Variants in FBH1 observed in about 807,000 individuals in gnomAD.
The protein encoded by FBH1 is F-box DNA helicase 1, also known as DNA 3'-5' helicase 1.
Under a neutral mutation model 115.5 loss-of-function variants are expected in FBH1, and 43 were observed. The observed-to-expected ratio is 0.37, with a 90% CI of 0.29 to 0.48. The LOEUF is 0.48. Ranked by LOEUF, FBH1 falls within the 20% of genes least tolerant of loss-of-function variation. The probability of loss-of-function intolerance (pLI) is 0.99; values close to 1 mark genes in which losing one functional copy is unlikely to be tolerated. For synonymous variants in FBH1, 524 were observed against 507.8 expected (o/e 1.03, Z -0.43); for missense variants, 1,001 against 1,337.3 (o/e 0.75, Z 3.92).
chr10:5,918,934 G>A lies in FBH1; in HGVS notation c.2100+456G>A, dbSNP rs1196549714. On this transcript the variant is annotated intron_variant, in intron 13 of 20. Coordinates refer to ENST00000362091, the MANE Select transcript of FBH1 (RefSeq NM_178150.3). This position sits in a 1 kb window ranked among gnomAD's most constrained non-coding sequence, Gnocchi z 4.0. ...GAATGTGACAACTCACAGTGTCCTT[G>A]ATTATGCGAAAAGTTTATTATGCGC... Among the ~76,000 whole-genome samples, 1 of 152,228 alleles carries A rather than the reference G, an allele frequency of 6.6e-6. No homozygotes were observed. Among genetic ancestry groups the A allele is most frequent in the Non-Finnish European group, 1.5e-5 (1 of 68,032 alleles).
chr10:5,894,840 T>G (rs1437541777), intron 1 of FBH1, among the ~76,000 whole-genome samples: 1 of 152,242 alleles, frequency 6.6e-6, no homozygotes, highest in Non-Finnish European at 1.5e-5. Context: ...TAATTGTTAT[T>G]AATATAATAT....
chr10:5,913,638 G>T lies in FBH1; in HGVS notation c.1212-109G>T. On this transcript the variant is annotated intron_variant, in intron 6 of 20. Transcript: ENST00000362091. This position sits in a 1 kb window ranked among gnomAD's most constrained non-coding sequence, Gnocchi z 4.4. Reference sequence around the variant, plus strand: ...TCTTTTTTCCATTAAATGGTGGTAGGTATTTTCTTTTTAGAAATGGGAAGG... The same window carrying T: ...TCTTTTTTCCATTAAATGGTGGTAGTTATTTTCTTTTTAGAAATGGGAAGG... The T allele has an allele frequency of 1.4e-6, 1 of 694,700 alleles. No homozygotes were observed. Among genetic ancestry groups the T allele is most frequent in the Non-Finnish European group, 2.4e-6 (1 of 421,696 alleles). The allele number at this position is 694,700 out of a possible 1,614,324, so 43.0% of individuals were successfully genotyped here.
At chr10:5,912,929 T>C (rs946175771) in intron 6 of FBH1, among the ~76,000 whole-genome samples, 1 of 152,164 alleles carries the variant, frequency 6.6e-6, no homozygotes, top group African/African-American at 2.4e-5. Context: ...TATAATCACA[T>C]CTGAAATGTT....
Position 5,924,307 on chromosome 10 carries a change from T to A in FBH1, c.2399-4T>A, listed in dbSNP as rs763547553. On this transcript the variant is annotated splice_region_variant and splice_polypyrimidine_tract_variant and intron_variant, in intron 16 of 20. Coordinates refer to ENST00000362091, the MANE Select transcript of FBH1 (RefSeq NM_178150.3). The surrounding 1 kb of genome is among the most constrained non-coding windows in gnomAD (Gnocchi z 6.2). ...ACCTTAATTTGTGTGTATATTCTTC[T>A]TAGAAAACCTCGTCATTAAAGACAA... 2.5e-6 allele frequency: 4 copies of A among 1,614,094 alleles called. No homozygotes were observed. Among genetic ancestry groups the A allele is most frequent in the Non-Finnish European group, 3.4e-6 (4 of 1,179,964 alleles).
intron 1 of FBH1, among the ~76,000 whole-genome samples, chr10:5,898,437 A>G (rs958062453): frequency 1.1e-4 from 17 of 150,876 alleles, no homozygotes; most frequent in Non-Finnish European, 1.5e-4. Context: ...TTGAGACACA[A>G]TCTCTCTCCA....
chr10:5,936,320 C>A lies in FBH1; in HGVS notation c.2830-136C>A. 1 of 914,196 alleles carries A rather than the reference C, an allele frequency of 1.1e-6. No homozygotes were observed. Among genetic ancestry groups the A allele is most frequent in the Non-Finnish European group, 1.6e-6 (1 of 613,920 alleles). 56.6% of individuals were successfully genotyped at this position (914,196 alleles called of 1,614,324 possible). Reference sequence around the variant, plus strand: ...AAAAGTTAGAGGAAGTAAGGGAGAACGGGTTAGGCGGGGTTTTTCTCTCTG... The same window carrying A: ...AAAAGTTAGAGGAAGTAAGGGAGAAAGGGTTAGGCGGGGTTTTTCTCTCTG... On this transcript the variant is annotated intron_variant, in intron 19 of 20. Transcript: ENST00000362091. The surrounding 1 kb of genome is among the most constrained non-coding windows in gnomAD (Gnocchi z 5.6).
intron 3 of FBH1, among the ~76,000 whole-genome samples, chr10:5,908,271 TATAACA>T (rs1277316050): frequency 6.6e-6 from 1 of 152,238 alleles, no homozygotes; most frequent in Non-Finnish European, 1.5e-5. Context: ...CTTCGTCTCT[TATAACA>T]GTATTTAACA....
chr10:5,913,811 G>T lies in FBH1; in HGVS notation c.1276G>T (p.Val426Phe), dbSNP rs538536216. 1 of 1,598,400 alleles carries T rather than the reference G, an allele frequency of 6.3e-7. No individual in the cohort carries two copies. Among genetic ancestry groups the T allele is most frequent in the African/African-American group, 1.4e-5 (1 of 73,946 alleles). Residue 426 changes from valine to phenylalanine, a missense_variant, in exon 7 of 21, where the codon GTT becomes TTT. Val to Phe is a conservative substitution (Grantham distance 50). This residue lies in a region of FBH1 where 521 missense variants were observed against 811.0 expected (regional missense o/e 0.64). Transcript: ENST00000362091. The surrounding 1 kb of genome is among the most constrained non-coding windows in gnomAD (Gnocchi z 4.4). ...GAATTCCTGCACTCAGGCCACAAAA[G>T]TTAAAGAGGAGCCATCTGTCTGGCC... Reference protein sequence around the residue: ...QENSCTQATKVKEEPSVWPGK... With the variant: ...QENSCTQATKFKEEPSVWPGK...
At chr10:5,927,958 G>A (rs1163158275) in intron 19 of FBH1, among the ~76,000 whole-genome samples, 2 of 150,984 alleles carry the variant, frequency 1.3e-5, no homozygotes, top group Non-Finnish European at 2.9e-5. Context: ...TGTAATTCCA[G>A]CTACTCGGGA....
intron 1 of FBH1, among the ~76,000 whole-genome samples, chr10:5,902,194 G>A (rs1195074516): frequency 1.3e-5 from 2 of 152,024 alleles, no homozygotes; most frequent in Non-Finnish European, 2.9e-5. Flanking sequence ...TCAATACCAA[G>A]GGGCTCGGGG....
chr10:5,911,565 G>T lies in FBH1; in HGVS notation c.1211+437G>T, dbSNP rs1831594670. 6.6e-6 allele frequency among the ~76,000 whole-genome samples: 1 copy of T among 152,160 alleles called. No individual in the cohort carries two copies. Among genetic ancestry groups the T allele is most frequent in the Non-Finnish European group, 1.5e-5 (1 of 68,026 alleles). ...GCGTGTCGGCTGCTGATTCACAGGG[G>T]CCCCGATGGTTTCCTCAGCAGGGTG... On this transcript the variant is annotated intron_variant, in intron 6 of 20. Coordinates refer to ENST00000362091, the MANE Select transcript of FBH1 (RefSeq NM_178150.3). The surrounding 1 kb of genome is among the most constrained non-coding windows in gnomAD (Gnocchi z 5.4).
In FBH1 at chr10:5,894,053, G is replaced by A. The variant is rs966069054; in HGVS notation, c.1+3707G>A. On this transcript the variant is annotated intron_variant, in intron 1 of 20. Coordinates refer to ENST00000362091, the MANE Select transcript of FBH1 (RefSeq NM_178150.3). ...AGTGCTGTCTCCAAGGGAGTCACAGGTGTCTCAGATGTGAGAGGATCCCGG... is the reference window on the plus strand; with the variant it reads ...AGTGCTGTCTCCAAGGGAGTCACAGATGTCTCAGATGTGAGAGGATCCCGG... 1.3e-5 allele frequency: 13 copies of A among 985,234 alleles called. No individual in the cohort carries two copies. In the African/African-American group the frequency reaches 2.3e-4, roughly 17 times the overall value. 61.0% of individuals were successfully genotyped at this position (985,234 alleles called of 1,614,324 possible). A position where few individuals can be genotyped will look rare whatever the true frequency, so the allele number is the denominator to read the frequency against.
chr10:5,912,882 C>A (rs140285281), intron 6 of FBH1, among the ~76,000 whole-genome samples: 1 of 152,144 alleles, frequency 6.6e-6, no homozygotes, highest in Non-Finnish European at 1.5e-5. Flanking sequence ...ATTTTTGTTG[C>A]GTTTCTTTGT....
In FBH1 at chr10:5,924,010, G is replaced by T; in HGVS notation, c.2399-301G>T. 1.8e-6 allele frequency: 1 copy of T among 560,778 alleles called. No individual in the cohort carries two copies. The allele number at this position is 560,778 out of a possible 1,614,324, so 34.7% of individuals were successfully genotyped here. A position where few individuals can be genotyped will look rare whatever the true frequency, so the allele number is the denominator to read the frequency against. On this transcript the variant is annotated intron_variant, in intron 16 of 20. Coordinates refer to ENST00000362091, the MANE Select transcript of FBH1 (RefSeq NM_178150.3). This position sits in a 1 kb window ranked among gnomAD's most constrained non-coding sequence, Gnocchi z 6.2. ...ACTTCCACGTGGGCCCCAAGTGATAGCGTCGAGCATTTCTATAGCGCTTTT... is the reference window on the plus strand; with the variant it reads ...ACTTCCACGTGGGCCCCAAGTGATATCGTCGAGCATTTCTATAGCGCTTTT...
At chr10:5,892,838 T>A (rs1842809674) in intron 1 of FBH1, among the ~76,000 whole-genome samples, 1 of 152,264 alleles carries the variant, frequency 6.6e-6, no homozygotes, top group Admixed American at 6.5e-5. Flanking sequence ...AAAGCCATGT[T>A]CTTATGCACC....
At chr10:5,922,263 T>TA (rs1207413991) in intron 15 of FBH1, among the ~76,000 whole-genome samples, 1 of 152,200 alleles carries the variant, frequency 6.6e-6, no homozygotes, top group South Asian at 2.1e-4. Flanking sequence ...TTTTGGAACC[T>TA]AAAAAAAGAA....
At position 5,903,214 on chromosome 10, in the gene FBH1, A is replaced by G. The variant is rs1843467758; in HGVS notation, c.157+39A>G. Reference sequence around the variant, plus strand: ...AAAACTCTTGCATTTCAAAACCTGTAGTGTGTGGGTCCTTTGACTATCTCC... The same window carrying G: ...AAAACTCTTGCATTTCAAAACCTGTGGTGTGTGGGTCCTTTGACTATCTCC... On this transcript the variant is annotated intron_variant, in intron 2 of 20. Coordinates refer to ENST00000362091, the MANE Select transcript of FBH1 (RefSeq NM_178150.3). 3.9e-6 allele frequency: 6 copies of G among 1,529,302 alleles called. No individual in the cohort carries two copies. In the East Asian group the frequency reaches 1.2e-4, roughly 30 times the overall value. The allele number at this position is 1,529,302 out of a possible 1,614,324, so 94.7% of individuals were successfully genotyped here. A position where few individuals can be genotyped will look rare whatever the true frequency, so the allele number is the denominator to read the frequency against.
At position 5,932,528 on chromosome 10, in the gene FBH1, A is replaced by G. The variant is rs185270254; in HGVS notation, c.2830-3928A>G. Reference sequence around the variant, plus strand: ...GTCAGCTGCATAGTGTTCTGTGTTGACGCACTGTGATTTATGCCGTTCTCG... The same window carrying G: ...GTCAGCTGCATAGTGTTCTGTGTTGGCGCACTGTGATTTATGCCGTTCTCG... On this transcript the variant is annotated intron_variant, in intron 19 of 20. Coordinates refer to ENST00000362091, the MANE Select transcript of FBH1 (RefSeq NM_178150.3). The surrounding 1 kb of genome is among the most constrained non-coding windows in gnomAD (Gnocchi z 5.9). Among the ~76,000 whole-genome samples, 158 of 152,216 alleles carry G rather than the reference A, an allele frequency of 1.0e-3. No individual in the cohort carries two copies. The highest frequency in any genetic ancestry group is 3.6e-3 in the African/African-American group (148 of 41,516).
At chr10:5,890,148 C>T (rs761560341), upstream of FBH1, 3 of 325,708 alleles carry the variant, frequency 9.2e-6, no homozygotes, top group Non-Finnish European at 5.7e-6. Flanking sequence ...CGATTGGTCG[C>T]GGGGGCCGTC....
Sources: gnomAD v4.1 joint callset for allele counts (sites outside exome capture counted in the v4.1 genomes callset) on GRCh38, gnomAD v4.1.1 for gene constraint, gnomAD v4.1.1 regional missense constraint, Gnocchi (gnomAD v3.1) non-coding constraint, MANE v1.5 for transcripts, NCBI Gene and HGNC (gene_info 2026-07-23, HGNC 2026-07-21) for gene names.